U2AF2: variants seen among roughly 807,000 people sequenced by gnomAD.
U2AF2 encodes U2 small nuclear RNA auxiliary factor 2.
U2AF2 carries 6 observed loss-of-function variants against 52.6 expected under a neutral mutation model. That is an observed-to-expected ratio of 0.11 (90% CI 0.06 to 0.23). U2AF2 has a LOEUF of 0.23. U2AF2 is among the 10% of genes least tolerant of loss of function. The pLI is 1.00. For missense variants in U2AF2, 222 were observed against 677.1 expected (o/e 0.33, Z 7.46); for synonymous variants, 284 against 258.2 (o/e 1.10, Z -0.96).
At chr19:55,669,761 C>G in intron 11 of U2AF2, 69 bp downstream of exon 11, 1 of 1,492,074 alleles carries the variant, frequency 6.7e-7, no homozygotes, top group Middle Eastern at 2.5e-4. Context: ...CTCTTTCTTC[C>G]TCTCTTGCTC....
chr19:55,658,592 T>C (rs1443412143), intron 1 of U2AF2, among the ~76,000 whole-genome samples: 1 of 152,158 alleles, frequency 6.6e-6, no homozygotes, highest in Non-Finnish European at 1.5e-5. Flanking sequence ...CCTGACCTGC[T>C]GAAGGAGAGG....
Position 55,659,197 on chromosome 19 carries a change from C to A in U2AF2, c.50-13C>A. 2 of 1,543,314 alleles carry A rather than the reference C, an allele frequency of 1.3e-6. No individual in the cohort carries two copies. Among genetic ancestry groups the A allele is most frequent in the Non-Finnish European group, 1.8e-6 (2 of 1,140,652 alleles). ...TCCGCTTATCCCGTGCCCCTCCTCT[C>A]ACCCTTGCCCAGAGCGGGACAAGGA... On this transcript the variant is annotated splice_polypyrimidine_tract_variant and intron_variant, in intron 1 of 11. Coordinates refer to ENST00000308924, the MANE Select transcript of U2AF2 (RefSeq NM_007279.3).
rs1341068468 is a variant in U2AF2, at chr19:55,674,182, G to A, written c.*114G>A. 7.4e-6 allele frequency: 5 copies of A among 674,380 alleles called. No homozygotes were observed. Among genetic ancestry groups the A allele is most frequent in the Admixed American group, 7.2e-5 (1 of 13,946 alleles). 41.8% of individuals were successfully genotyped at this position (674,380 alleles called of 1,614,324 possible). Reference sequence around the variant, plus strand: ...AGAGGAGTGACAGCCGCAGACACACGACAGCCGGCAGCAACTGGAATGGCA... The same window carrying A: ...AGAGGAGTGACAGCCGCAGACACACAACAGCCGGCAGCAACTGGAATGGCA... On this transcript the variant is annotated 3_prime_UTR_variant, in exon 12 of 12. Transcript: ENST00000308924.
chr19:55,660,654 G>C, intron 4 of U2AF2, 35 bp downstream of exon 4: 1 of 1,579,878 alleles, frequency 6.3e-7, no homozygotes, highest in Non-Finnish European at 8.6e-7. Context: ...CAGAGCGGGA[G>C]GGTACAGGGG....
In U2AF2 at chr19:55,668,357, C is replaced by G; in HGVS notation, c.743-150C>G. 1 of 685,586 alleles carries G rather than the reference C, an allele frequency of 1.5e-6. No homozygotes were observed. The highest frequency in any genetic ancestry group is 2.4e-6 in the Non-Finnish European group (1 of 414,142). The allele number at this position is 685,586 out of a possible 1,614,324, so 42.5% of individuals were successfully genotyped here. A position where few individuals can be genotyped will look rare whatever the true frequency, so the allele number is the denominator to read the frequency against. On this transcript the variant is annotated intron_variant, in intron 7 of 11. Coordinates refer to ENST00000308924, the MANE Select transcript of U2AF2 (RefSeq NM_007279.3). This position sits in a 1 kb window ranked among gnomAD's most constrained non-coding sequence, Gnocchi z 5.5. ...CAGGACCCTCACTGGTCAGATAAGGCTGGGGTGGGGTGGGCACGTGGCGAC... is the reference window on the plus strand; with the variant it reads ...CAGGACCCTCACTGGTCAGATAAGGGTGGGGTGGGGTGGGCACGTGGCGAC...
In U2AF2 at chr19:55,660,612, C is replaced by T. The variant is rs761483909; in HGVS notation, c.327C>T (p.Ala109=). The T allele has an allele frequency of 2.5e-6, 4 of 1,613,048 alleles. No homozygotes were observed. The highest frequency in any genetic ancestry group is 3.4e-6 in the Non-Finnish European group (4 of 1,179,534). The change falls in exon 4 of 12, where the codon GCC becomes GCT. Residue 109 remains alanine, a synonymous_variant. Transcript: ENST00000308924. Reference sequence around the variant, plus strand: ...ACATCACCCCAATGCAGTACAAGGCCATGCAAGGTAGGCCCCTGGCCAGGC... The same window carrying T: ...ACATCACCCCAATGCAGTACAAGGCTATGCAAGGTAGGCCCCTGGCCAGGC... The part of the protein sequence containing the change: ...FEHITPMQYK[A]MQAAGQIPAT...
At chr19:55,665,332 C>T (rs1038599172) in intron 7 of U2AF2, among the ~76,000 whole-genome samples, 4 of 146,458 alleles carry the variant, frequency 2.7e-5, no homozygotes, top group Non-Finnish European at 4.5e-5. Context: ...GGCAGTTCTA[C>T]GACACAGGGA....
chr19:55,662,095 G>A lies in U2AF2; in HGVS notation c.487-407G>A, dbSNP rs775078899. The A allele has an allele frequency of 7.1e-4, 119 of 168,084 alleles. 4 individuals are homozygous for A. The highest frequency in any genetic ancestry group is 2.3e-4 in the Non-Finnish European group (18 of 77,486). 10.4% of individuals were successfully genotyped at this position (168,084 alleles called of 1,614,324 possible). On this transcript the variant is annotated intron_variant, in intron 5 of 11. Transcript: ENST00000308924. ...CTTTCTACTTTCCTGCCACTTTTCTGTCTGTCTCCACTGGGTGGCCCTTCC... is the reference window on the plus strand; with the variant it reads ...CTTTCTACTTTCCTGCCACTTTTCTATCTGTCTCCACTGGGTGGCCCTTCC...
chr19:55,662,979 C>A (rs1224792761), intron 6 of U2AF2, among the ~76,000 whole-genome samples: 1 of 152,118 alleles, frequency 6.6e-6, no homozygotes, highest in Non-Finnish European at 1.5e-5. Context: ...ATGTTCCTAA[C>A]TAGTCTTCTG....
chr19:55,673,303 C>T (rs145563458), intron 11 of U2AF2, among the ~76,000 whole-genome samples: 2 of 146,562 alleles, frequency 1.4e-5, no homozygotes, highest in African/African-American at 4.9e-5. Flanking sequence ...TGTAATTTAT[C>T]CTTTGTACCT....
chr19:55,657,861 C>T (rs936152189), intron 1 of U2AF2, among the ~76,000 whole-genome samples: 1 of 152,124 alleles, frequency 6.6e-6, no homozygotes, highest in African/African-American at 2.4e-5. Flanking sequence ...TCTCTCTATA[C>T]CTTAGTTTCC....
rs199871125 is a variant in U2AF2, at chr19:55,668,735, G to A, written c.888G>A (p.Thr296=). 624 of 1,613,592 alleles carry A rather than the reference G, an allele frequency of 3.9e-4. No individual in the cohort carries two copies. The highest frequency in any genetic ancestry group is 4.6e-4 in the Non-Finnish European group (540 of 1,179,788). Residue 296 remains threonine (T), a synonymous_variant, in exon 9 of 12, where the codon ACG becomes ACA. Coordinates refer to ENST00000308924, the MANE Select transcript of U2AF2 (RefSeq NM_007279.3). The surrounding 1 kb of genome is among the most constrained non-coding windows in gnomAD (Gnocchi z 5.5). ...KAFNLVKDSA[T]GLSKGYAFCE... ...TCAACCTGGTCAAGGACAGTGCCAC[G>A]GGGCTCTCCAAGGGCTACGCCTTCT...
intron 1 of U2AF2, among the ~76,000 whole-genome samples, chr19:55,658,088 A>G (rs897617316): frequency 2.0e-5 from 3 of 152,178 alleles, no homozygotes; most frequent in Non-Finnish European, 2.9e-5. Flanking sequence ...ACGTGAGACA[A>G]AACACTGTGG....
chr19:55,659,685 ACTCTCTGTGG>A (rs1276375636), intron 2 of U2AF2, among the ~76,000 whole-genome samples: 6 of 132,450 alleles, frequency 4.5e-5, no homozygotes, highest in South Asian at 4.8e-4. Flanking sequence ...CTTCTTTTCG[ACTCTCTGTGG>A]CTCTCTGTGG....
chr19:55,662,476 C>A, intron 5 of U2AF2, 26 bp from the exon 6 acceptor site: 2 of 1,366,552 alleles, frequency 1.5e-6, no homozygotes, highest in East Asian at 5.0e-5. Flanking sequence ...CCCCGCCCCC[C>A]CCCTTGTCTC....
chr19:55,659,716 G>A (rs1200751109), intron 2 of U2AF2, among the ~76,000 whole-genome samples: 4 of 152,018 alleles, frequency 2.6e-5, no homozygotes, highest in African/African-American at 4.8e-5. Context: ...GACTCTCTTC[G>A]AGGGGGTTGG....
chr19:55,666,428 G>A (rs1361407702), intron 7 of U2AF2, among the ~76,000 whole-genome samples: 3 of 152,226 alleles, frequency 2.0e-5, no homozygotes, highest in Non-Finnish European at 2.9e-5. Flanking sequence ...TCAAGACTCC[G>A]AGAAGATTCC....
intron 7 of U2AF2, among the ~76,000 whole-genome samples, chr19:55,666,630 C>A (rs537865567): frequency 6.6e-6 from 1 of 152,238 alleles, no homozygotes. Context: ...GTGGCTCACA[C>A]GATGGGCACC....
chr19:55,659,850 T>G (rs571358664), intron 2 of U2AF2, among the ~76,000 whole-genome samples: 1 of 152,240 alleles, frequency 6.6e-6, no homozygotes, highest in East Asian at 1.9e-4. Flanking sequence ...GCCTCTTCCC[T>G]TCTAGGCTCC....
Sources: gnomAD v4.1 joint callset for allele counts (sites outside exome capture counted in the v4.1 genomes callset) on GRCh38, gnomAD v4.1.1 for gene constraint, Gnocchi (gnomAD v3.1) non-coding constraint, MANE v1.5 for transcripts, NCBI Gene and HGNC (gene_info 2026-07-23, HGNC 2026-07-21) for gene names.